Variants in EML2 observed in about 807,000 individuals in gnomAD.
EML2 encodes the protein EMAP like 2.
A neutral mutation model predicts 84.7 loss-of-function variants in EML2; 59 were observed. The ratio of observed to expected loss-of-function variants is 0.70; its 90% CI spans 0.56 to 0.86. The LOEUF (loss-of-function observed/expected upper bound fraction) is 0.86, where lower values mean the gene tolerates loss of function less well. Ranked by LOEUF, EML2 falls within the 40% of genes least tolerant of loss-of-function variation. The probability of loss-of-function intolerance (pLI) is 0.00; values close to 1 mark genes in which losing one functional copy is unlikely to be tolerated. For missense variants in EML2, 818 were observed against 855.6 expected, an observed-to-expected ratio of 0.96 and a Z score of 0.55; for synonymous variants, 352 against 348.9, an observed-to-expected ratio of 1.01 and a Z score of -0.10.
chr19:45,643,826 G>T, upstream of EML2: 1 of 1,392,156 alleles, frequency 7.2e-7, no homozygotes, highest in Non-Finnish European at 9.4e-7. Context: ...CCGGTGCCTG[G>T]ACCTGCAGAG....
At position 45,619,129 on chromosome 19, in the gene EML2, G is replaced by A. The variant is rs567005483; in HGVS notation, c.1185C>T (p.Cys395=). The A allele has an allele frequency of 5.8e-5, 93 of 1,612,564 alleles. No homozygotes were observed. The highest frequency in any genetic ancestry group is 6.8e-5 in the Non-Finnish European group (80 of 1,179,708). ...ATAGATGCACCAGCTTATCCTGCCC[G>A]CAGGTCACAAACTGGGCCCGACTGG... ...THPSRAQFVT[C]GQDKLVHLWS... The change falls in exon 12 of 19, where the codon TGC becomes TGT. Residue 395 remains cysteine (C), a synonymous_variant. Transcript: ENST00000245925.
chr19:45,642,246 C>A, upstream of EML2: 1 of 1,535,912 alleles, frequency 6.5e-7, no homozygotes. Flanking sequence ...CATCCGCCAG[C>A]GCCGCCTTTA....
rs1393002670 is a variant in EML2, at chr19:45,616,856, T to G, written c.1323-3A>C. On this transcript the variant is annotated splice_polypyrimidine_tract_variant and splice_region_variant and intron_variant, in intron 13 of 18. Coordinates refer to ENST00000245925, the MANE Select transcript of EML2 (RefSeq NM_012155.4). ...TCTCCGTGTCCAGCAGCAGCCATCT[T>G]GAAGGAGAGGGCGTGGTGGGGGGAG... 2 of 1,611,550 alleles carry G rather than the reference T, an allele frequency of 1.2e-6. No homozygotes were observed. Among genetic ancestry groups the G allele is most frequent in the Non-Finnish European group, 1.7e-6 (2 of 1,178,850 alleles).
At chr19:45,643,807 CT>C, upstream of EML2, 1 of 1,445,568 alleles carries the variant, frequency 6.9e-7, no homozygotes. Flanking sequence ...CACTCAGCGC[CT>C]CCCAGGTCCG....
upstream of EML2, chr19:45,639,541 C>G (rs1249653451): frequency 1.5e-5 from 9 of 587,162 alleles, no homozygotes; most frequent in Non-Finnish European, 2.0e-5. Flanking sequence ...TGTGGACTCC[C>G]GATCCCAGGT....
At chr19:45,621,745 T>TCCATTTCCAC (rs1971742380) in intron 9 of EML2, 108 bp from the exon 10 acceptor site, 1 of 1,266,428 alleles carries the variant, frequency 7.9e-7, no homozygotes, top group Non-Finnish European at 1.1e-6. Flanking sequence ...CACCCACTTT[T>TCCATTTCCAC]CCACCTTTTT....
upstream of EML2, chr19:45,643,743 C>T: frequency 1.3e-6 from 2 of 1,520,650 alleles, no homozygotes; most frequent in Non-Finnish European, 1.8e-6. Flanking sequence ...CGCCGCTCCT[C>T]CCTCCTTCCC....
upstream of EML2, chr19:45,641,302 T>C: frequency 4.1e-6 from 1 of 246,446 alleles, no homozygotes; most frequent in Non-Finnish European, 8.1e-6. Context: ...CTGTGGCTGC[T>C]GCCTTGACTT....
At chr19:45,641,760 C>T (rs1043708656), upstream of EML2, 5 of 1,536,012 alleles carry the variant, frequency 3.3e-6, no homozygotes, top group Non-Finnish European at 3.5e-6. Context: ...TAAAAGAGAG[C>T]ACACAGGTGG....
At chr19:45,625,826 C>T (rs939975320) in intron 8 of EML2, among the ~76,000 whole-genome samples, 1 of 152,196 alleles carries the variant, frequency 6.6e-6, no homozygotes, top group African/African-American at 2.4e-5. Context: ...CCTCTGAGTT[C>T]TCTGATTATC....
At chr19:45,615,269 G>A (rs1172307327) in intron 16 of EML2, among the ~76,000 whole-genome samples, 1 of 152,004 alleles carries the variant, frequency 6.6e-6, no homozygotes, top group Non-Finnish European at 1.5e-5. Context: ...GAACCTGGGA[G>A]GCGGAGGCTG....
upstream of EML2, chr19:45,642,199 G>C (rs1226676708): frequency 2.0e-6 from 3 of 1,533,604 alleles, no homozygotes; most frequent in African/African-American, 2.7e-5. Flanking sequence ...GCGTAGCGCC[G>C]CTCCCTGTTC....
chr19:45,634,107 C>A (rs1044335714), intron 4 of EML2, among the ~76,000 whole-genome samples: 9 of 152,178 alleles, frequency 5.9e-5, no homozygotes, highest in African/African-American at 2.2e-4. Flanking sequence ...CCACACCCAA[C>A]TAAAACACCT....
chr19:45,610,505 C>T (rs1970378670), intron 18 of EML2, among the ~76,000 whole-genome samples: 1 of 151,792 alleles, frequency 6.6e-6, no homozygotes, highest in African/African-American at 2.4e-5. Flanking sequence ...GAGTTCAAGA[C>T]TAGCCTGGCC....
upstream of EML2, chr19:45,645,366 C>G (rs753079731): frequency 7.9e-6 from 12 of 1,527,094 alleles, no homozygotes; most frequent in Middle Eastern, 1.9e-4. Flanking sequence ...CCGCCGGCCC[C>G]CCCGGTCCCA....
Position 45,634,341 on chromosome 19 carries a change from G to T in EML2, c.310C>A (p.His104Asn). The change falls in exon 4 of 19, where the codon CAC (histidine) becomes AAC (asparagine). Residue 104 changes from histidine (H) to asparagine (N), a missense_variant. Coordinates refer to ENST00000245925, the MANE Select transcript of EML2 (RefSeq NM_012155.4). ...TCTCACCATTTGATGTCATCGTTGT[G>T]TCCCAGGTAGTGTCGCTGCCTCTGC... ...EEQRQRHYLG[H>N]NDDIKCLAIH... 2.5e-6 allele frequency: 4 copies of T among 1,613,616 alleles called. No individual in the cohort carries two copies. The highest frequency in any genetic ancestry group is 3.4e-6 in the Non-Finnish European group (4 of 1,179,718).
At chr19:45,627,480 C>A (rs1972505206) in intron 7 of EML2, among the ~76,000 whole-genome samples, 1 of 151,508 alleles carries the variant, frequency 6.6e-6, no homozygotes, top group Non-Finnish European at 1.5e-5. Flanking sequence ...GTCTCAAACT[C>A]CTGACCTCAA....
chr19:45,615,920 C>G (rs771989600), intron 15 of EML2, 31 bp from the exon 16 acceptor site: 3 of 1,555,182 alleles, frequency 1.9e-6, no homozygotes, highest in Non-Finnish European at 2.7e-6. Context: ...GGTGTTAGAG[C>G]TGCAGAGGGC....
At chr19:45,616,393 G>T in intron 15 of EML2, 68 bp downstream of exon 15, 1 of 1,241,888 alleles carries the variant, frequency 8.1e-7, no homozygotes, top group Non-Finnish European at 1.1e-6. Flanking sequence ...CCTTGAGGTA[G>T]AAAATTGGTT....
Sources: allele counts gnomAD v4.1 joint callset (sites outside exome capture counted in the v4.1 genomes callset), GRCh38; gene constraint gnomAD v4.1.1; transcripts MANE v1.5; gene names NCBI Gene and HGNC (gene_info 2026-07-23, HGNC 2026-07-21).